The following HS6ST3 variants were observed in gnomAD, a reference collection of about 807,000 sequenced individuals.
HS6ST3 encodes the protein heparan sulfate 6-O-sulfotransferase 3.
HS6ST3 carries 12 observed loss-of-function variants against 36.7 expected under a neutral mutation model. The ratio of observed to expected loss-of-function variants is 0.33; its 90% CI spans 0.21 to 0.53. The LOEUF (loss-of-function observed/expected upper bound fraction) is 0.53, where lower values mean the gene tolerates loss of function less well. Among genes scored for constraint, HS6ST3 ranks in the 20% least tolerant of loss-of-function variants. The pLI, the probability that HS6ST3 is intolerant of heterozygous loss-of-function variation, is 0.95. For missense variants in HS6ST3, 584 were observed against 640.9 expected (o/e 0.91, Z 0.96); for synonymous variants, 240 against 257.5 (o/e 0.93, Z 0.65).
rs181378143 is a variant in HS6ST3, at chr13:96,181,452, A to G, written c.707+89883A>G. Among the ~76,000 whole-genome samples the G allele has an allele frequency of 6.2e-3, 945 of 152,340 alleles. 6 individuals are homozygous for G. The highest frequency in any genetic ancestry group is 0.011 in the Non-Finnish European group (726 of 68,032). The stretch of plus-strand genomic sequence containing the variant: ...AATGACTGGAAAAACTTTTCTCTGA[A>G]TATTTTCCTGAGGAAAGGAGAGGTT... On this transcript the variant is annotated intron_variant, in intron 1 of 1. Transcript: ENST00000376705.
rs181851046 is a variant in HS6ST3 at position 96,646,147 on chromosome 13, T to G, written c.708-186343T>G. On this transcript the variant is annotated intron_variant, in intron 1 of 1. Coordinates refer to ENST00000376705, the MANE Select transcript of HS6ST3 (RefSeq NM_153456.4). ...AAAAATAAATAATGTCGCCATGTTA[T>G]GCATTGTGATTATGAACTGCTGAAT... is the stretch of plus-strand genomic sequence containing the variant. Among the ~76,000 whole-genome samples the G allele has an allele frequency of 1.0e-3, 154 of 152,164 alleles. 1 individual carries two copies. Among genetic ancestry groups the G allele is most frequent in the African/African-American group, 3.5e-3 (146 of 41,554 alleles).
intron 1 of HS6ST3, among the ~76,000 whole-genome samples, chr13:96,144,310 T>TA (rs1314545593): frequency 6.6e-6 from 1 of 152,148 alleles, no homozygotes; most frequent in Non-Finnish European, 1.5e-5. Flanking sequence ...AAGTATACTG[T>TA]AAAAAATAGT....
intron 1 of HS6ST3, among the ~76,000 whole-genome samples, chr13:96,551,421 C>G (rs1041969231): frequency 6.6e-6 from 1 of 152,108 alleles, no homozygotes; most frequent in African/African-American, 2.4e-5. Flanking sequence ...TGTATGTATT[C>G]ATTCAACAAG....
chr13:96,508,425 C>T (rs1450206248), intron 1 of HS6ST3, among the ~76,000 whole-genome samples: 1 of 151,942 alleles, frequency 6.6e-6, no homozygotes, highest in Non-Finnish European at 1.5e-5. Context: ...TTTTGTTACA[C>T]AGATGAATTA....
At chr13:96,379,053 T>G (rs1208949424) in intron 1 of HS6ST3, among the ~76,000 whole-genome samples, 2 of 152,148 alleles carry the variant, frequency 1.3e-5, no homozygotes, top group East Asian at 3.9e-4. Context: ...TCCTAAATGT[T>G]TTTGTCTTTT....
At chr13:96,144,465 A>T (rs957192244) in intron 1 of HS6ST3, among the ~76,000 whole-genome samples, 2 of 152,064 alleles carry the variant, frequency 1.3e-5, no homozygotes, top group Non-Finnish European at 2.9e-5. Flanking sequence ...CAGAATTAGG[A>T]GATAAACCTT....
At chr13:96,220,145 A>G (rs998088058) in intron 1 of HS6ST3, among the ~76,000 whole-genome samples, 2 of 152,218 alleles carry the variant, frequency 1.3e-5, no homozygotes, top group Admixed American at 1.3e-4. Context: ...ACATTCCTTT[A>G]TAAGATGGTG....
intron 1 of HS6ST3, among the ~76,000 whole-genome samples, chr13:96,582,360 G>T (rs548997300): frequency 6.6e-6 from 1 of 152,246 alleles, no homozygotes; most frequent in South Asian, 2.1e-4. Flanking sequence ...GTGGAAACTA[G>T]ATCTGAGGGT....
intron 1 of HS6ST3, among the ~76,000 whole-genome samples, chr13:96,453,171 T>C (rs1594783528): frequency 6.8e-6 from 1 of 146,836 alleles, no homozygotes; most frequent in South Asian, 2.1e-4. Flanking sequence ...TGGAGGAAAA[T>C]GCTCTTTTTA....
At chr13:96,414,849 T>C (rs1291912552) in intron 1 of HS6ST3, among the ~76,000 whole-genome samples, 2 of 152,206 alleles carry the variant, frequency 1.3e-5, no homozygotes, top group Non-Finnish European at 2.9e-5. Context: ...TGGGCTTTTT[T>C]TCATTTTGTA....
At chr13:96,399,921 C>T (rs1005787964) in intron 1 of HS6ST3, among the ~76,000 whole-genome samples, 15 of 152,174 alleles carry the variant, frequency 9.9e-5, no homozygotes, top group Non-Finnish European at 1.5e-5. Flanking sequence ...GTGATCTGGT[C>T]TAATTTACTA....
intron 1 of HS6ST3, among the ~76,000 whole-genome samples, chr13:96,777,656 G>A (rs1877421777): frequency 6.6e-6 from 1 of 152,088 alleles, no homozygotes; most frequent in Admixed American, 6.6e-5. Context: ...ACAAACCACT[G>A]CTCAAGGAAA....
intron 1 of HS6ST3, among the ~76,000 whole-genome samples, chr13:96,240,977 T>C (rs2054556797): frequency 6.6e-6 from 1 of 152,194 alleles, no homozygotes; most frequent in African/African-American, 2.4e-5. Context: ...GGAGACTCAA[T>C]TGGCCTGATA....
At position 96,543,331 on chromosome 13, in the gene HS6ST3, C is replaced by T. The variant is rs561701704; in HGVS notation, c.708-289159C>T. On this transcript the variant is annotated intron_variant, in intron 1 of 1. Transcript: ENST00000376705. Reference sequence around the variant, plus strand: ...GTTGTCTGCTCATCTGGTTGTCATCCACTGGGTGATCACAGGATCCAAATA... The same window carrying T: ...GTTGTCTGCTCATCTGGTTGTCATCTACTGGGTGATCACAGGATCCAAATA... 1.9e-3 allele frequency among the ~76,000 whole-genome samples: 290 copies of T among 152,274 alleles called. 1 individual carries two copies. The highest frequency in any genetic ancestry group is 6.7e-3 in the African/African-American group (280 of 41,544).
At chr13:96,652,390 T>C (rs2056610564) in intron 1 of HS6ST3, among the ~76,000 whole-genome samples, 2 of 151,954 alleles carry the variant, frequency 1.3e-5, no homozygotes, top group African/African-American at 4.8e-5. Context: ...CCTCCCTCCC[T>C]TCCTTCCTCA....
At chr13:96,206,398 C>T (rs1427120578) in intron 1 of HS6ST3, among the ~76,000 whole-genome samples, 1 of 152,110 alleles carries the variant, frequency 6.6e-6, no homozygotes, top group Non-Finnish European at 1.5e-5. Context: ...GTAGTTTATA[C>T]ATTCAATGCT....
intron 1 of HS6ST3, among the ~76,000 whole-genome samples, chr13:96,141,313 C>T (rs975663885): frequency 3.3e-5 from 5 of 151,994 alleles, no homozygotes; most frequent in Non-Finnish European, 7.4e-5. Context: ...TGCTTTATTC[C>T]TAAAGTCAGA....
In HS6ST3 at chr13:96,776,885, CA is replaced by C. The variant is rs892221664; in HGVS notation, c.708-55598del. ...ATAGAAAAACCTGGCAGAGTCACAACAAAAAAAGAAAATTACAGGCCAATAT... is the reference window on the plus strand; with the variant it reads ...ATAGAAAAACCTGGCAGAGTCACAACAAAAAAGAAAATTACAGGCCAATAT... On this transcript the variant is annotated intron_variant, in intron 1 of 1. Transcript: ENST00000376705. Among the ~76,000 whole-genome samples the C allele has an allele frequency of 7.0e-4, 107 of 151,968 alleles. 2 individuals carry two copies. The highest frequency in any genetic ancestry group is 2.5e-3 in the African/African-American group (102 of 41,462).
At chr13:96,331,223 G>A (rs1403752835) in intron 1 of HS6ST3, among the ~76,000 whole-genome samples, 1 of 152,238 alleles carries the variant, frequency 6.6e-6, no homozygotes, top group Non-Finnish European at 1.5e-5. Flanking sequence ...TTGCTGGTGA[G>A]GAACTGCGTT....
Sources: allele counts gnomAD v4.1 joint callset (sites outside exome capture counted in the v4.1 genomes callset), GRCh38; gene constraint gnomAD v4.1.1; transcripts MANE v1.5; gene names NCBI Gene and HGNC (gene_info 2026-07-23, HGNC 2026-07-21).